Variants in PTPN3 observed in about 807,000 individuals in gnomAD.
PTPN3 encodes the protein protein tyrosine phosphatase non-receptor type 3, also known as tyrosine-protein phosphatase non-receptor type 3.
In PTPN3, 96 loss-of-function variants were observed where a neutral mutation model predicts 132.7. The observed-to-expected ratio is 0.72, with a 90% CI of 0.61 to 0.86. The LOEUF (loss-of-function observed/expected upper bound fraction) is 0.86, where lower values mean the gene tolerates loss of function less well. Ranked by LOEUF, PTPN3 falls within the 40% of genes least tolerant of loss-of-function variation. The pLI, the probability that PTPN3 is intolerant of heterozygous loss-of-function variation, is 0.00. For missense variants in PTPN3, 1,125 were observed against 1,159.6 expected (o/e 0.97, Z 0.43); for synonymous variants, 398 against 429.0 (o/e 0.93, Z 0.89).
the PTPN3 span, among the ~76,000 whole-genome samples, chr9:109,536,442 TTG>T: frequency 6.6e-6 from 1 of 152,230 alleles, no homozygotes; most frequent in South Asian, 2.1e-4. Context: ...CTCCTTTCTC[TTG>T]TGTTACAATA....
At chr9:109,531,186 A>C in the PTPN3 span, among the ~76,000 whole-genome samples, 3 of 152,178 alleles carry the variant, frequency 2.0e-5, no homozygotes, top group African/African-American at 7.2e-5. Context: ...TCTTCTGTAG[A>C]TGTCATCTCG....
chr9:109,478,605 CA>C (rs1846804509), intron 1 of PTPN3, among the ~76,000 whole-genome samples: 1 of 152,224 alleles, frequency 6.6e-6, no homozygotes, highest in Non-Finnish European at 1.5e-5. Context: ...AGATGACAGA[CA>C]GGGGCTGGGC....
chr9:109,449,216 GC>G, intron 5 of PTPN3: 2 of 1,058,358 alleles, frequency 1.9e-6, no homozygotes, highest in Non-Finnish European at 1.1e-6. Context: ...ACCCACAGGG[GC>G]TCTGCACAAG....
At chr9:109,380,881 T>C (rs1345037005) in intron 25 of PTPN3, among the ~76,000 whole-genome samples, 1 of 152,078 alleles carries the variant, frequency 6.6e-6, no homozygotes, top group Non-Finnish European at 1.5e-5. Context: ...TTCCTAGACT[T>C]TCCAAATCCT....
chr9:109,484,127 G>A (rs2132107994), intron 1 of PTPN3, among the ~76,000 whole-genome samples: 1 of 152,254 alleles, frequency 6.6e-6, no homozygotes, highest in South Asian at 2.1e-4. Flanking sequence ...TCCACCTCAG[G>A]CAGAATTGCC....
At position 109,451,419 on chromosome 9, in the gene PTPN3, C is replaced by G. The variant is rs867628273; in HGVS notation, c.369-2564G>C. ...AAGGTGGGGGTGGGGTGTCAGTTGTCAACCAGTGAATTTTAGAAGAGACAG... is the reference window on the plus strand; with the variant it reads ...AAGGTGGGGGTGGGGTGTCAGTTGTGAACCAGTGAATTTTAGAAGAGACAG... On this transcript the variant is annotated intron_variant, in intron 5 of 25. Coordinates refer to ENST00000374541, the MANE Select transcript of PTPN3 (RefSeq NM_002829.4). The G allele has an allele frequency of 6.4e-6, 6 of 943,900 alleles. No homozygotes were observed. The African/African-American group carries it at 1.1e-4, about 17-fold the overall frequency. 58.5% of individuals were successfully genotyped at this position (943,900 alleles called of 1,614,324 possible).
Position 109,420,562 on chromosome 9 carries a change from C to A in PTPN3, c.1175G>T (p.Arg392Leu), listed in dbSNP as rs140094288. ...TGCAAGGTTATCTGCAGAAGAGTGG[C>A]GTGGCTTTCGGATTTCGTGCCGGAG... Reference protein sequence around the residue: ...PRLRHEIRKPRHSSADNLANE... With the variant: ...PRLRHEIRKPLHSSADNLANE... Residue 392 changes from arginine to leucine, a missense_variant, in exon 14 of 26, where the codon CGC becomes CTC. Arg to Leu is a moderately radical substitution (Grantham distance 102). Transcript: ENST00000374541. The A allele has an allele frequency of 8.8e-5, 142 of 1,611,878 alleles. No homozygotes were observed. Among genetic ancestry groups the A allele is most frequent in the Non-Finnish European group, 1.2e-4 (136 of 1,179,302 alleles).
In PTPN3 at chr9:109,483,682, G is replaced by A. The variant is rs150403933; in HGVS notation, c.-18+14537C>T. Among the ~76,000 whole-genome samples the A allele has an allele frequency of 8.5e-5, 13 of 152,150 alleles. No homozygotes were observed. In the East Asian group the frequency reaches 9.7e-4, roughly 11 times the overall value. ...CCATACGTCTCCCAAAGCTCTCACC[G>A]GGCTCTTACGATCAGTCTCCATCAT... On this transcript the variant is annotated intron_variant, in intron 1 of 25. Coordinates refer to ENST00000374541, the MANE Select transcript of PTPN3 (RefSeq NM_002829.4).
At chr9:109,521,557 CA>C in the PTPN3 span, among the ~76,000 whole-genome samples, 2 of 152,216 alleles carry the variant, frequency 1.3e-5, no homozygotes, top group Admixed American at 6.5e-5. Flanking sequence ...TCACACCTCT[CA>C]TCCTTGGGGT....
At chr9:109,506,273 T>C in the PTPN3 span, among the ~76,000 whole-genome samples, 1 of 152,142 alleles carries the variant, frequency 6.6e-6, no homozygotes, top group Admixed American at 6.5e-5. Flanking sequence ...ATAGTAGTGG[T>C]GATGTTTGCT....
At chr9:109,522,598 C>T in the PTPN3 span, among the ~76,000 whole-genome samples, 9 of 152,254 alleles carry the variant, frequency 5.9e-5, no homozygotes, top group East Asian at 1.7e-3. Context: ...GTAATATACG[C>T]GTACCTGCTA....
chr9:109,516,177 A>G, the PTPN3 span, among the ~76,000 whole-genome samples: 2 of 152,176 alleles, frequency 1.3e-5, no homozygotes, highest in Non-Finnish European at 2.9e-5. Flanking sequence ...CAACTGATAA[A>G]CCAACCCACT....
chr9:109,466,380 G>C (rs565239409), intron 1 of PTPN3, among the ~76,000 whole-genome samples: 1 of 152,356 alleles, frequency 6.6e-6, no homozygotes, highest in East Asian at 1.9e-4. Context: ...GTGTGCACCT[G>C]TAGTCCCAGC....
chr9:109,396,610 T>C (rs969658564), intron 19 of PTPN3, among the ~76,000 whole-genome samples: 2 of 152,170 alleles, frequency 1.3e-5, no homozygotes, highest in Non-Finnish European at 2.9e-5. Flanking sequence ...TTTGTTCTCA[T>C]TCTATCAGAG....
At chr9:109,482,018 A>C (rs1442054997) in intron 1 of PTPN3, among the ~76,000 whole-genome samples, 1 of 152,246 alleles carries the variant, frequency 6.6e-6, no homozygotes, top group East Asian at 1.9e-4. Flanking sequence ...CAGGCCATAG[A>C]AAATGGAGCC....
intron 14 of PTPN3, 68 bp downstream of exon 14, chr9:109,420,355 TG>T: frequency 6.7e-7 from 1 of 1,491,342 alleles, no homozygotes; most frequent in Non-Finnish European, 9.0e-7. Flanking sequence ...AATGGCAACC[TG>T]GACCTGAGCA....
chr9:109,440,078 C>T (rs1348004688), intron 7 of PTPN3, among the ~76,000 whole-genome samples: 2 of 152,198 alleles, frequency 1.3e-5, no homozygotes, highest in Non-Finnish European at 2.9e-5. Context: ...TCAGACTCAC[C>T]TTTAGGGCCC....
the PTPN3 span, chr9:109,534,054 C>T: frequency 1.3e-6 from 1 of 769,730 alleles, no homozygotes; most frequent in Non-Finnish European, 2.4e-6. Context: ...GGTTATTCTT[C>T]GTTTTGGCAG....
chr9:109,515,570 C>G, the PTPN3 span, among the ~76,000 whole-genome samples: 1 of 152,140 alleles, frequency 6.6e-6, no homozygotes, highest in East Asian at 1.9e-4. Context: ...ATACCTGAGA[C>G]TGGGTAATTT....
Sources: gnomAD v4.1 joint callset for allele counts (sites outside exome capture counted in the v4.1 genomes callset) on GRCh38, gnomAD v4.1.1 for gene constraint, MANE v1.5 for transcripts, NCBI Gene and HGNC (gene_info 2026-07-23, HGNC 2026-07-21) for gene names.